Variants in MACROD2 observed in about 807,000 individuals in gnomAD.
MACROD2 encodes the protein mono-ADP ribosylhydrolase 2, also known as ADP-ribose glycohydrolase MACROD2.
MACROD2 carries 36 observed loss-of-function variants against 70.4 expected under a neutral mutation model. The observed-to-expected ratio is 0.51, with a 90% CI of 0.39 to 0.68. MACROD2 has a LOEUF of 0.68. MACROD2 is among the 30% of genes least tolerant of loss of function. MACROD2 has a pLI of 0.00. For missense variants in MACROD2, 496 were observed against 538.4 expected (o/e 0.92, Z 0.78); for synonymous variants, 172 against 178.8 (o/e 0.96, Z 0.30).
At chr20:14,757,845 G>T in intron 5 of MACROD2, 1 of 1,519,738 alleles carries the variant, frequency 6.6e-7, no homozygotes, top group Non-Finnish European at 9.1e-7. Flanking sequence ...ACTCTATGCC[G>T]TAGCCGTCCA....
At chr20:15,552,492 G>A (rs911469308) in intron 8 of MACROD2, 1 of 152,252 alleles carries the variant, frequency 6.6e-6, no homozygotes, top group Non-Finnish European at 1.5e-5. Flanking sequence ...AATGCTGTAT[G>A]TGAAGGTGTG....
At chr20:15,809,318 C>G (rs2063796548) in intron 8 of MACROD2, among the ~76,000 whole-genome samples, 1 of 152,176 alleles carries the variant, frequency 6.6e-6, no homozygotes, top group Non-Finnish European at 1.5e-5. Flanking sequence ...AGGTCTTTGC[C>G]TCTGGTATCC....
chr20:14,252,005 T>C lies in MACROD2; in HGVS notation c.271+166277T>C, dbSNP rs368347073. Among the ~76,000 whole-genome samples, 6 of 152,100 alleles carry C rather than the reference T, an allele frequency of 3.9e-5. No individual in the cohort carries two copies. The East Asian group carries it at 1.2e-3, about 29-fold the overall frequency. On this transcript the variant is annotated intron_variant, in intron 3 of 17. Coordinates refer to ENST00000684519, the MANE Select transcript of MACROD2 (RefSeq NM_001351661.2). ...TAATTTGGTTGTAAGCAATAATATC[T>C]GTAAATAAAAGTGTAAAATTTTAGC... is the stretch of plus-strand genomic sequence containing the variant.
intron 6 of MACROD2, among the ~76,000 whole-genome samples, chr20:15,279,910 G>T (rs1275860786): frequency 6.6e-6 from 1 of 152,110 alleles, no homozygotes; most frequent in Admixed American, 6.5e-5. Flanking sequence ...TACATCTAAG[G>T]ACATAAGTAC....
chr20:14,922,463 C>T (rs1324747709), intron 5 of MACROD2, among the ~76,000 whole-genome samples: 1 of 152,126 alleles, frequency 6.6e-6, no homozygotes, highest in Non-Finnish European at 1.5e-5. Context: ...CTTTTATATT[C>T]CAAATTATTT....
chr20:15,877,471 A>T (rs1373889938), intron 9 of MACROD2, among the ~76,000 whole-genome samples: 1 of 147,614 alleles, frequency 6.8e-6, no homozygotes, highest in African/African-American at 2.7e-5. Context: ...TTTTAAAAGA[A>T]CAACAAAATT....
chr20:15,016,375 T>G (rs971586899), intron 5 of MACROD2, among the ~76,000 whole-genome samples: 1 of 152,190 alleles, frequency 6.6e-6, no homozygotes, highest in African/African-American at 2.4e-5. Flanking sequence ...TCCTTTCCTG[T>G]TCTGAGCTGC....
chr20:14,003,462 A>C (rs1372512066), intron 2 of MACROD2: 1 of 188,046 alleles, frequency 5.3e-6, no homozygotes, highest in African/African-American at 2.4e-5. Context: ...TAATGGGGTC[A>C]TTGGACAAGC....
At chr20:15,825,498 T>C (rs899515299) in intron 8 of MACROD2, among the ~76,000 whole-genome samples, 3 of 144,530 alleles carry the variant, frequency 2.1e-5, no homozygotes, top group Non-Finnish European at 4.6e-5. Flanking sequence ...TTTTTTTTTG[T>C]TGTTGGTTTT....
At chr20:14,796,187 G>T (rs1369035650) in intron 5 of MACROD2, among the ~76,000 whole-genome samples, 1 of 152,036 alleles carries the variant, frequency 6.6e-6, no homozygotes. Flanking sequence ...GATGTAAGTG[G>T]CTCTGAAAGG....
At chr20:15,333,017 A>T (rs1334407335) in intron 6 of MACROD2, among the ~76,000 whole-genome samples, 1 of 151,686 alleles carries the variant, frequency 6.6e-6, no homozygotes, top group Non-Finnish European at 1.5e-5. Flanking sequence ...CAATGGGTAG[A>T]TGCTCTTTAG....
chr20:14,784,392 T>G (rs114119187), intron 5 of MACROD2, among the ~76,000 whole-genome samples: 3 of 152,100 alleles, frequency 2.0e-5, no homozygotes, highest in Non-Finnish European at 2.9e-5. Context: ...AAGCTCACTT[T>G]CTCTAAGATA....
At chr20:15,306,335 T>G (rs991932896) in intron 6 of MACROD2, among the ~76,000 whole-genome samples, 4 of 152,220 alleles carry the variant, frequency 2.6e-5, no homozygotes, top group African/African-American at 9.6e-5. Flanking sequence ...ACCCTTTTTA[T>G]TCATAAAGCT....
intron 17 of MACROD2, 96 bp from the exon 18 acceptor site, chr20:16,049,734 G>A: frequency 7.9e-7 from 1 of 1,260,990 alleles, no homozygotes; most frequent in South Asian, 1.3e-5. Context: ...TGAGGGGTGA[G>A]AGACATTTAA....
At chr20:14,055,162 C>T (rs1003373871) in intron 2 of MACROD2, among the ~76,000 whole-genome samples, 14 of 152,120 alleles carry the variant, frequency 9.2e-5, no homozygotes, top group Non-Finnish European at 1.9e-4. Flanking sequence ...CTACACATTT[C>T]AGGTTAAGAA....
At chr20:14,370,219 A>G (rs1600169833) in intron 3 of MACROD2, among the ~76,000 whole-genome samples, 1 of 142,096 alleles carries the variant, frequency 7.0e-6, no homozygotes, top group Non-Finnish European at 1.5e-5. Context: ...TATGAGTTAT[A>G]ATTGAATTAT....
chr20:15,696,678 G>GA, intron 8 of MACROD2, among the ~76,000 whole-genome samples: 1 of 88,748 alleles, frequency 1.1e-5, no homozygotes, highest in African/African-American at 4.2e-5. Context: ...TAGTCCTGGA[G>GA]TTTTTTTTTT....
chr20:15,359,538 A>ATAAGAAATTAATAAATTTTATTAATTTC (rs1600290700), intron 6 of MACROD2, among the ~76,000 whole-genome samples: 1 of 151,610 alleles, frequency 6.6e-6, no homozygotes, highest in Non-Finnish European at 1.5e-5. Context: ...TTATTAATTT[A>ATAAGAAATTAATAAATTTTATTAATTTC]TAAGAAATTA....
intron 5 of MACROD2, among the ~76,000 whole-genome samples, chr20:14,821,943 T>A (rs563223397): frequency 3.9e-5 from 6 of 152,076 alleles, no homozygotes; most frequent in African/African-American, 1.4e-4. Context: ...CTTCTACAAG[T>A]ATAGTTGTTT....
Sources: allele counts gnomAD v4.1 joint callset (sites outside exome capture counted in the v4.1 genomes callset), GRCh38; gene constraint gnomAD v4.1.1; transcripts MANE v1.5; gene names NCBI Gene and HGNC (gene_info 2026-07-23, HGNC 2026-07-21).